The following PWWP2A variants were observed in gnomAD, a reference collection of about 807,000 sequenced individuals.
The protein encoded by PWWP2A is PWWP domain-containing protein 2A.
In PWWP2A, 18 loss-of-function variants were observed where a neutral mutation model predicts 48.5. The observed-to-expected ratio is 0.37, with a 90% CI of 0.26 to 0.55. The LOEUF is 0.55. Ranked by LOEUF, PWWP2A falls within the 20% of genes least tolerant of loss-of-function variation. PWWP2A has a pLI of 0.81. For synonymous variants in PWWP2A, 396 were observed against 387.7 expected (o/e 1.02, Z -0.25); for missense variants, 867 against 976.4 (o/e 0.89, Z 1.49).
rs1480878299 is a variant in PWWP2A, at chr5:160,117,441, G to C, written c.584+1364C>G. Among the ~76,000 whole-genome samples the C allele has an allele frequency of 3.9e-5, 6 of 152,294 alleles. No homozygotes were observed. The East Asian group carries it at 7.7e-4, about 20-fold the overall frequency. On this transcript the variant is annotated intron_variant, in intron 1 of 1. Coordinates refer to ENST00000307063, the MANE Select transcript of PWWP2A (RefSeq NM_001130864.2). ...AGGCTGAGGCGGGTGGATAACCTGA[G>C]GTCAGGATTTCAAGACCAGCCTGGC...
chr5:160,088,866 TA>T (rs1329542488), downstream of PWWP2A, among the ~76,000 whole-genome samples: 1 of 152,232 alleles, frequency 6.6e-6, no homozygotes, highest in Non-Finnish European at 1.5e-5. Flanking sequence ...CCAATTCAGT[TA>T]TTCTAGACTT....
intron 1 of PWWP2A, among the ~76,000 whole-genome samples, chr5:160,106,754 T>C (rs1756937554): frequency 6.6e-6 from 1 of 151,766 alleles, no homozygotes; most frequent in Non-Finnish European, 1.5e-5. Flanking sequence ...GCCACCCGAG[T>C]TGCCCATCCC....
chr5:160,065,161 ATC>A, intron 4 of PWWP2A: 1 of 1,515,942 alleles, frequency 6.6e-7, no homozygotes, highest in Non-Finnish European at 8.9e-7. Context: ...TTTTAAAAGC[ATC>A]TTATCTAAAA....
downstream of PWWP2A, among the ~76,000 whole-genome samples, chr5:160,075,500 C>CTTA (rs1374016210): frequency 1.3e-5 from 2 of 152,064 alleles, no homozygotes; most frequent in African/African-American, 4.8e-5. Flanking sequence ...GTGCTGGGCT[C>CTTA]TTAAAGAAGC....
intron 1 of PWWP2A, among the ~76,000 whole-genome samples, chr5:160,096,217 A>C (rs1446160537): frequency 6.6e-6 from 1 of 151,244 alleles, no homozygotes; most frequent in Non-Finnish European, 1.5e-5. Flanking sequence ...CATAAAAAGG[A>C]AAGGCTTTTT....
chr5:160,106,820 C>CTTTTTT lies in PWWP2A; in HGVS notation c.584+11979_584+11984dup, dbSNP rs764479391. On this transcript the variant is annotated intron_variant, in intron 1 of 1. Transcript: ENST00000307063. ...GTCTCATTGTTAACTAACCATTAAC[C>CTTTTTT]TTTTTTTTTTTTTTTTTTTTTTGAG... Among the ~76,000 whole-genome samples the CTTTTTT allele has an allele frequency of 8.2e-4, 98 of 119,760 alleles. 4 individuals are homozygous for CTTTTTT. The highest frequency in any genetic ancestry group is 2.8e-3 in the African/African-American group (90 of 32,692). 78.6% of individuals were successfully genotyped at this position (119,760 alleles called of 152,430 possible).
chr5:160,115,137 CAAAAAAAAAAAAAAAAA>C (rs535110852), intron 1 of PWWP2A, among the ~76,000 whole-genome samples: 196 of 88,388 alleles, frequency 2.2e-3, no homozygotes, highest in African/African-American at 7.1e-3. Flanking sequence ...GAGACTCTGT[CAAAAAAAAAAAAAAAAA>C]AAAAAAAAAA....
At chr5:160,094,108 A>G in intron 1 of PWWP2A, 43 bp from the exon 2 acceptor site, 6 of 1,510,010 alleles carry the variant, frequency 4.0e-6, no homozygotes, top group Non-Finnish European at 5.3e-6. Context: ...TTAAGTTAAC[A>G]TCTATAATTC....
At position 160,092,207 on chromosome 5, in the gene PWWP2A, T is replaced by A; in HGVS notation, c.*175A>T. 14 of 1,330,392 alleles carry A rather than the reference T, an allele frequency of 1.1e-5. No homozygotes were observed. The highest frequency in any genetic ancestry group is 1.1e-5 in the Non-Finnish European group (11 of 1,043,914). The allele number at this position is 1,330,392 out of a possible 1,614,324, so 82.4% of individuals were successfully genotyped here. On this transcript the variant is annotated 3_prime_UTR_variant, in exon 2 of 2. Coordinates refer to ENST00000307063, the MANE Select transcript of PWWP2A (RefSeq NM_001130864.2). ...TTCCTTAACACAAAATTTGATTATA[T>A]GTTCAGTTTAAGCTCTCAGTCTAAA...
At chr5:160,098,864 A>G (rs1755958279) in intron 1 of PWWP2A, among the ~76,000 whole-genome samples, 1 of 152,210 alleles carries the variant, frequency 6.6e-6, no homozygotes, top group South Asian at 2.1e-4. Flanking sequence ...GTTACTCAGG[A>G]GGCCGAGGTT....
chr5:160,045,507 CACACACAT>C, the PWWP2A span, among the ~76,000 whole-genome samples: 458 of 88,376 alleles, frequency 5.2e-3, 1 homozygote, highest in East Asian at 8.6e-3. Context: ...CACACACACA[CACACACAT>C]ACACACTCTC....
chr5:160,106,820 CT>C lies in PWWP2A; in HGVS notation c.584+11984del, dbSNP rs764479391. Among the ~76,000 whole-genome samples, 769 of 119,752 alleles carry C rather than the reference CT, an allele frequency of 6.4e-3. 4 individuals carry two copies. The highest frequency in any genetic ancestry group is 0.017 in the African/African-American group (556 of 32,690). The allele number at this position is 119,752 out of a possible 152,430, so 78.6% of individuals were successfully genotyped here. A position where few individuals can be genotyped will look rare whatever the true frequency, so the allele number is the denominator to read the frequency against. ...GTCTCATTGTTAACTAACCATTAAC[CT>C]TTTTTTTTTTTTTTTTTTTTTGAGA... is the stretch of plus-strand genomic sequence containing the variant. On this transcript the variant is annotated intron_variant, in intron 1 of 1. Coordinates refer to ENST00000307063, the MANE Select transcript of PWWP2A (RefSeq NM_001130864.2).
chr5:160,046,117 C>T, the PWWP2A span, among the ~76,000 whole-genome samples: 235 of 152,296 alleles, frequency 1.5e-3, 3 homozygotes, highest in African/African-American at 5.5e-3. Context: ...TATCTGATCC[C>T]TTTCATTGAA....
intron 1 of PWWP2A, chr5:160,105,664 T>A (rs1053977681): frequency 1.5e-5 from 15 of 978,858 alleles, no homozygotes; most frequent in Non-Finnish European, 1.8e-5. Context: ...TCATAAGCCA[T>A]CAGCCCCAGG....
chr5:160,106,908 T>C (rs1756959224), intron 1 of PWWP2A, among the ~76,000 whole-genome samples: 1 of 149,798 alleles, frequency 6.7e-6, no homozygotes. Context: ...CACGCAACCT[T>C]CACCTCCCAG....
chr5:160,082,234 G>A (rs1471942410), intron 2 of PWWP2A, among the ~76,000 whole-genome samples: 4 of 152,052 alleles, frequency 2.6e-5, no homozygotes, highest in African/African-American at 7.2e-5. Context: ...CACGAGGTCA[G>A]GAGATCGAGA....
the PWWP2A span, among the ~76,000 whole-genome samples, chr5:160,045,502 A>T: frequency 1.1e-3 from 112 of 99,216 alleles, 6 homozygotes; most frequent in East Asian, 4.2e-3. Flanking sequence ...ACACACACAC[A>T]CACACACACA....
downstream of PWWP2A, chr5:160,089,880 C>T (rs1046700871): frequency 2.0e-6 from 2 of 985,128 alleles, no homozygotes; most frequent in African/African-American, 3.5e-5. Flanking sequence ...GTGGCTACAA[C>T]TACCCAATTC....
chr5:160,093,033 G>C lies in PWWP2A; in HGVS notation c.1617C>G (p.Asp539Glu). 1.2e-6 allele frequency: 2 copies of C among 1,603,390 alleles called. No homozygotes were observed. Among genetic ancestry groups the C allele is most frequent in the Non-Finnish European group, 1.7e-6 (2 of 1,174,924 alleles). The change falls in exon 2 of 2, where the codon GAC becomes GAG. Residue 539 changes from aspartate to glutamate, a missense_variant. Asp to Glu is a conservative substitution (Grantham distance 45, BLOSUM62 2). This residue lies in a region of PWWP2A where 382 missense variants were observed against 407.2 expected (regional missense o/e 0.94). Transcript: ENST00000307063. The surrounding 1 kb of genome is among the most constrained non-coding windows in gnomAD (Gnocchi z 5.8). ...GPEEASSEVQ[D>E]TNEVHVPGDQ... The stretch of plus-strand genomic sequence containing the variant: ...CACCAGGCACATGCACTTCATTTGT[G>C]TCCTGAACCTCACTGCTGGCCTCTT...
Sources: allele counts gnomAD v4.1 joint callset (sites outside exome capture counted in the v4.1 genomes callset), GRCh38; gene constraint gnomAD v4.1.1; regional missense constraint gnomAD v4.1.1; non-coding constraint Gnocchi (gnomAD v3.1); transcripts MANE v1.5; gene names NCBI Gene and HGNC (gene_info 2026-07-23, HGNC 2026-07-21).